The following CD38 variants were observed in gnomAD, a reference collection of about 807,000 sequenced individuals.
CD38 encodes the protein CD38 molecule, also known as ADP-ribosyl cyclase/cyclic ADP-ribose hydrolase 1.
In CD38, 31 loss-of-function variants were observed where a neutral mutation model predicts 36.3. The ratio of observed to expected loss-of-function variants is 0.85; its 90% CI spans 0.64 to 1.15. CD38 has a LOEUF of 1.15. CD38 is among the 50% of genes most tolerant of loss of function. The pLI is 0.00. For missense variants in CD38, 380 were observed against 371.9 expected (o/e 1.02, Z -0.18); for synonymous variants, 131 against 135.2 (o/e 0.97, Z 0.22).
intron 1 of CD38, among the ~76,000 whole-genome samples, chr4:15,787,018 G>A (rs1008182865): frequency 6.8e-6 from 1 of 146,614 alleles, no homozygotes; most frequent in African/African-American, 2.8e-5. Context: ...TGCGCTCGCC[G>A]GCCGCTCAGA....
chr4:15,833,742 T>C (rs3796866), intron 3 of CD38, among the ~76,000 whole-genome samples: 8,956 of 152,256 alleles, frequency 0.059, 362 homozygotes, highest in East Asian at 0.18. Flanking sequence ...TCACTCAGGG[T>C]TAAGACTGCC....
chr4:15,848,647 A>G lies in CD38; in HGVS notation c.*45A>G. On this transcript the variant is annotated 3_prime_UTR_variant, in exon 8 of 8. Coordinates refer to ENST00000226279, the MANE Select transcript of CD38 (RefSeq NM_001775.4). Reference sequence around the variant, plus strand: ...TTAGCTCCTTGACTCCTTGTGGTTTATGTCATCATACATGACTCAGCATAC... The same window carrying G: ...TTAGCTCCTTGACTCCTTGTGGTTTGTGTCATCATACATGACTCAGCATAC... 1 of 1,503,116 alleles carries G rather than the reference A, an allele frequency of 6.7e-7. No individual in the cohort carries two copies. The highest frequency in any genetic ancestry group is 9.3e-7 in the Non-Finnish European group (1 of 1,079,590). The allele number at this position is 1,503,116 out of a possible 1,614,324, so 93.1% of individuals were successfully genotyped here.
intron 5 of CD38, among the ~76,000 whole-genome samples, chr4:15,839,705 G>A (rs186861399): frequency 3.3e-5 from 5 of 152,198 alleles, no homozygotes; most frequent in Admixed American, 2.6e-4. Context: ...TTACAGGCAT[G>A]AGCCACCATG....
At chr4:15,807,643 G>C (rs1004833806) in intron 1 of CD38, among the ~76,000 whole-genome samples, 2 of 152,230 alleles carry the variant, frequency 1.3e-5, no homozygotes, top group Non-Finnish European at 1.5e-5. Flanking sequence ...AAAGCAGCTA[G>C]ACTGGGATCA....
intron 1 of CD38, among the ~76,000 whole-genome samples, chr4:15,785,460 A>G (rs945446184): frequency 6.6e-6 from 1 of 152,012 alleles, no homozygotes; most frequent in Admixed American, 6.5e-5. Context: ...ACTGCTCAAA[A>G]CACACACTTG....
chr4:15,845,982 C>A (rs1724260491), intron 7 of CD38, among the ~76,000 whole-genome samples: 1 of 94,430 alleles, frequency 1.1e-5, no homozygotes, highest in Non-Finnish European at 1.9e-5. Flanking sequence ...GCCATACTGC[C>A]CAAGGTAATT....
At chr4:15,790,459 G>T (rs1452152393) in intron 1 of CD38, among the ~76,000 whole-genome samples, 3 of 152,046 alleles carry the variant, frequency 2.0e-5, no homozygotes, top group Non-Finnish European at 4.4e-5. Flanking sequence ...ATTGCGGACG[G>T]AGTCTCGTTC....
chr4:15,805,181 C>G (rs1292627770), intron 1 of CD38, among the ~76,000 whole-genome samples: 1 of 151,976 alleles, frequency 6.6e-6, no homozygotes, highest in Non-Finnish European at 1.5e-5. Flanking sequence ...TATGACTTAC[C>G]TTTCCATTTT....
chr4:15,819,347 T>G (rs1723682559), intron 2 of CD38, among the ~76,000 whole-genome samples: 1 of 146,364 alleles, frequency 6.8e-6, no homozygotes, highest in African/African-American at 2.5e-5. Flanking sequence ...CAAAAGATAC[T>G]AGCTACATTT....
chr4:15,834,159 T>A, intron 3 of CD38, 58 bp from the exon 4 acceptor site: 1 of 1,120,120 alleles, frequency 8.9e-7, no homozygotes, highest in East Asian at 2.4e-5. Flanking sequence ...CAGGGAAGAG[T>A]ACAGCTTATT....
intron 1 of CD38, among the ~76,000 whole-genome samples, chr4:15,794,831 T>C (rs994258910): frequency 4.6e-5 from 7 of 152,182 alleles, no homozygotes; most frequent in Admixed American, 1.3e-4. Context: ...TTTCATTACA[T>C]TATATAAGTA....
At chr4:15,814,195 C>T (rs1234315848) in intron 1 of CD38, among the ~76,000 whole-genome samples, 1 of 152,172 alleles carries the variant, frequency 6.6e-6, no homozygotes, top group Non-Finnish European at 1.5e-5. Flanking sequence ...TCTCTAATGA[C>T]CAGTGATGAT....
chr4:15,806,879 T>C (rs1048908502), intron 1 of CD38, among the ~76,000 whole-genome samples: 2 of 152,210 alleles, frequency 1.3e-5, no homozygotes, highest in Non-Finnish European at 2.9e-5. Context: ...CTAGGTAAAC[T>C]TTCATCAGTG....
intron 1 of CD38, among the ~76,000 whole-genome samples, chr4:15,784,696 C>T (rs1375806077): frequency 1.3e-5 from 2 of 152,130 alleles, no homozygotes; most frequent in Non-Finnish European, 2.9e-5. Flanking sequence ...TTACCTGTGT[C>T]TTCTTAATGC....
intron 1 of CD38, among the ~76,000 whole-genome samples, chr4:15,790,657 C>T (rs1384597991): frequency 1.3e-5 from 2 of 151,530 alleles, no homozygotes; most frequent in Non-Finnish European, 2.9e-5. Context: ...ATATGAGGAG[C>T]CTCTCTGCCT....
chr4:15,800,673 A>T (rs1039601703), intron 1 of CD38, among the ~76,000 whole-genome samples: 1 of 152,204 alleles, frequency 6.6e-6, no homozygotes, highest in Non-Finnish European at 1.5e-5. Flanking sequence ...ATACTCCAGA[A>T]TGACCAATGG....
At chr4:15,792,391 C>T (rs1723019036) in intron 1 of CD38, among the ~76,000 whole-genome samples, 1 of 128,348 alleles carries the variant, frequency 7.8e-6, no homozygotes, top group African/African-American at 3.4e-5. Context: ...GCCAAATCCC[C>T]CTCTGCGAGA....
At chr4:15,781,201 C>T (rs1421015433) in intron 1 of CD38, among the ~76,000 whole-genome samples, 3 of 152,202 alleles carry the variant, frequency 2.0e-5, no homozygotes, top group South Asian at 2.1e-4. Flanking sequence ...ATTTTCTGCA[C>T]TTTGTATTGT....
intron 2 of CD38, among the ~76,000 whole-genome samples, chr4:15,823,467 A>G (rs1207670816): frequency 6.6e-6 from 1 of 152,234 alleles, no homozygotes; most frequent in Non-Finnish European, 1.5e-5. Flanking sequence ...GAACTTAAAC[A>G]AATTTACAAG....
Sources: allele counts gnomAD v4.1 joint callset (sites outside exome capture counted in the v4.1 genomes callset), GRCh38; gene constraint gnomAD v4.1.1; transcripts MANE v1.5; gene names NCBI Gene and HGNC (gene_info 2026-07-23, HGNC 2026-07-21).